KLHL13: variants seen among roughly 807,000 people sequenced by gnomAD.
KLHL13 encodes kelch-like protein 13.
KLHL13 carries 10 observed loss-of-function variants against 37.1 expected under a neutral mutation model. The ratio of observed to expected loss-of-function variants is 0.27; its 90% CI spans 0.17 to 0.46. The LOEUF is 0.46. Ranked by LOEUF, KLHL13 falls within the 20% of genes least tolerant of loss-of-function variation. KLHL13 has a pLI of 1.00. For missense variants in KLHL13, 360 were observed against 509.3 expected, an observed-to-expected ratio of 0.71 and a Z score of 2.82; for synonymous variants, 163 against 181.2, an observed-to-expected ratio of 0.90 and a Z score of 0.81.
At position 117,985,196 on chromosome X, in the gene KLHL13, G is replaced by T. The variant is rs751097053; in HGVS notation, c.-55-39621C>A. The T allele has an allele frequency of 3.2e-6, 3 of 951,822 alleles. No homozygotes were observed. In the South Asian group the frequency reaches 7.4e-5, roughly 24 times the overall value. The allele number at this position is 951,822 out of a possible 1,213,427, so 78.4% of individuals were successfully genotyped here. A position where few individuals can be genotyped will look rare whatever the true frequency, so the allele number is the denominator to read the frequency against. The stretch of plus-strand genomic sequence containing the variant: ...GAAATAACAGGCTTGCTATTTTAAT[G>T]AGTAAGTAACAGCAGTAAATAAAGG... On this transcript the variant is annotated intron_variant, in intron 1 of 6. Transcript: ENST00000371882.
chrX:117,949,450 G>C (rs1933478587), intron 1 of KLHL13, among the ~76,000 whole-genome samples: 1 of 111,491 alleles, frequency 9.0e-6, no homozygotes, highest in Non-Finnish European at 1.9e-5. Flanking sequence ...GAATCCCTCT[G>C]TAGAGGTTTA....
intron 1 of KLHL13, among the ~76,000 whole-genome samples, chrX:117,968,342 G>A (rs765738524): frequency 1.5e-4 from 17 of 111,492 alleles, no homozygotes; most frequent in East Asian, 1.4e-3. Context: ...TGCCATCTTC[G>A]AGAGGTGTCA....
intron 1 of KLHL13, among the ~76,000 whole-genome samples, chrX:118,083,745 A>G (rs1426760032): frequency 8.9e-6 from 1 of 111,783 alleles, no homozygotes; most frequent in Non-Finnish European, 1.9e-5. Context: ...AAGAAATGAC[A>G]TGTATTTGAG....
At chrX:118,090,721 G>A (rs1369485380) in intron 1 of KLHL13, among the ~76,000 whole-genome samples, 7 of 109,154 alleles carry the variant, frequency 6.4e-5, no homozygotes, top group East Asian at 2.9e-4. Context: ...TCAGTGTGGC[G>A]ATTCCTCAGG....
intron 1 of KLHL13, among the ~76,000 whole-genome samples, chrX:118,059,541 A>G (rs1488767914): frequency 8.9e-6 from 1 of 111,958 alleles, no homozygotes; most frequent in Admixed American, 9.5e-5. Flanking sequence ...CTATATCACT[A>G]TAGAAATTCA....
At chrX:118,049,285 C>T (rs995066212) in intron 1 of KLHL13, among the ~76,000 whole-genome samples, 1 of 111,617 alleles carries the variant, frequency 9.0e-6, no homozygotes. Flanking sequence ...GTGAAAAATG[C>T]TAAACACGAC....
intron 1 of KLHL13, among the ~76,000 whole-genome samples, chrX:118,086,062 C>G: frequency 9.1e-6 from 1 of 110,386 alleles, no homozygotes; most frequent in Non-Finnish European, 1.9e-5. Flanking sequence ...CTCAGCCTCC[C>G]AAGTAGCTGG....
At chrX:118,060,376 C>T (rs1476631460) in intron 1 of KLHL13, among the ~76,000 whole-genome samples, 1 of 110,995 alleles carries the variant, frequency 9.0e-6, no homozygotes, top group Non-Finnish European at 1.9e-5. Flanking sequence ...CCCTATGACC[C>T]GCAAACCTCT....
intron 1 of KLHL13, among the ~76,000 whole-genome samples, chrX:118,015,119 C>T (rs5956000): frequency 0.054 from 5,968 of 111,197 alleles, 394 homozygotes; most frequent in African/African-American, 0.18. Context: ...AAGACACTTT[C>T]CAAATTTCAC....
At chrX:117,928,176 CAG>C (rs1331455633) in intron 2 of KLHL13, among the ~76,000 whole-genome samples, 1 of 111,565 alleles carries the variant, frequency 9.0e-6, no homozygotes, top group African/African-American at 3.3e-5. Context: ...TGTTTAATAG[CAG>C]AGTTTCAAAA....
chrX:118,066,676 A>G (rs1365948835), intron 1 of KLHL13, among the ~76,000 whole-genome samples: 1 of 111,389 alleles, frequency 9.0e-6, no homozygotes, highest in Non-Finnish European at 1.9e-5. Context: ...GTTCTGAGAA[A>G]GACTACCAAG....
rs769163830 is a variant in KLHL13, at chrX:118,071,269, C to G, written c.-56+45239G>C. ...TGATTTATAGTCCTTTGGGTATATA[C>G]CCAGTAATGGGATGGCTAGGTCAAA... On this transcript the variant is annotated intron_variant, in intron 1 of 6. Coordinates refer to the KLHL13 transcript ENST00000371882. Among the ~76,000 whole-genome samples the G allele has an allele frequency of 1.9e-3, 214 of 111,484 alleles. 1 individual carries two copies. Among genetic ancestry groups the G allele is most frequent in the Admixed American group, 6.1e-3 (64 of 10,480 alleles).
intron 2 of KLHL13, among the ~76,000 whole-genome samples, chrX:117,934,282 A>G (rs1932657030): frequency 1.8e-5 from 2 of 111,295 alleles, no homozygotes; most frequent in Non-Finnish European, 3.8e-5. Context: ...CCCTGAATCT[A>G]AACTAAAAAT....
chrX:117,996,970 C>G (rs1194156197), intron 1 of KLHL13, among the ~76,000 whole-genome samples: 1 of 111,235 alleles, frequency 9.0e-6, no homozygotes, highest in African/African-American at 3.3e-5. Flanking sequence ...CCTAATAAAT[C>G]TGAAGACTCA....
chrX:118,066,702 A>G (rs1182847350), intron 1 of KLHL13, among the ~76,000 whole-genome samples: 1 of 111,351 alleles, frequency 9.0e-6, no homozygotes, highest in East Asian at 2.8e-4. Flanking sequence ...GAAAGGACAA[A>G]CCACAAACCA....
intron 1 of KLHL13, among the ~76,000 whole-genome samples, chrX:118,035,011 T>C (rs1179075949): frequency 8.5e-5 from 8 of 94,599 alleles, no homozygotes; most frequent in South Asian, 4.5e-4. Flanking sequence ...ATAAATTCCT[T>C]GACACATACA....
chrX:117,988,056 C>T (rs1187344346), intron 1 of KLHL13, among the ~76,000 whole-genome samples: 1 of 112,034 alleles, frequency 8.9e-6, no homozygotes, highest in African/African-American at 3.2e-5. Flanking sequence ...GAAAATAAGC[C>T]AGACCATTTC....
At chrX:117,960,266 G>A (rs2053271959) in intron 1 of KLHL13, among the ~76,000 whole-genome samples, 1 of 110,830 alleles carries the variant, frequency 9.0e-6, no homozygotes, top group Admixed American at 9.7e-5. Flanking sequence ...TCAAGCCCCT[G>A]CACCTGCCAT....
At chrX:118,010,862 C>G (rs1207883445) in intron 1 of KLHL13, among the ~76,000 whole-genome samples, 3 of 109,759 alleles carry the variant, frequency 2.7e-5, no homozygotes, top group Non-Finnish European at 5.7e-5. Flanking sequence ...CACTTGAGCC[C>G]AGGAGTTGAA....
Sources: allele counts gnomAD v4.1 joint callset (sites outside exome capture counted in the v4.1 genomes callset), GRCh38; gene constraint gnomAD v4.1.1; transcripts MANE v1.5; gene names NCBI Gene and HGNC (gene_info 2026-07-23, HGNC 2026-07-21).